HDAC4: variants seen among roughly 807,000 people sequenced by gnomAD.
HDAC4 encodes the protein histone deacetylase 4, also known as histone deacetylase A.
HDAC4 carries 16 observed loss-of-function variants against 135.1 expected under a neutral mutation model. The ratio of observed to expected loss-of-function variants is 0.12; its 90% CI spans 0.08 to 0.18. The LOEUF is 0.18. Among genes scored for constraint, HDAC4 ranks in the 10% least tolerant of loss-of-function variants. The probability of loss-of-function intolerance (pLI) is 1.00; values close to 1 mark genes in which losing one functional copy is unlikely to be tolerated. For synonymous variants in HDAC4, 685 were observed against 653.4 expected (o/e 1.05, Z -0.74); for missense variants, 1,143 against 1,511.8 (o/e 0.76, Z 4.05).
chr2:239,152,760 T>G (rs2042192999), intron 7 of HDAC4, among the ~76,000 whole-genome samples: 1 of 152,074 alleles, frequency 6.6e-6, no homozygotes, highest in Non-Finnish European at 1.5e-5. Flanking sequence ...ACCTGAACTG[T>G]AGGCATGGAG....
intron 1 of HDAC4, among the ~76,000 whole-genome samples, chr2:239,397,673 G>C: frequency 6.6e-6 from 1 of 152,170 alleles, no homozygotes; most frequent in Non-Finnish European, 1.5e-5. Context: ...CCCCAAAACA[G>C]GTCCCACTCT....
intron 2 of HDAC4, among the ~76,000 whole-genome samples, chr2:239,266,202 C>G (rs565016986): frequency 6.6e-6 from 1 of 152,186 alleles, no homozygotes; most frequent in Non-Finnish European, 1.5e-5. Context: ...GCACAGTGCC[C>G]GAGGCAGGGA....
intron 12 of HDAC4, among the ~76,000 whole-genome samples, chr2:239,124,617 G>C (rs151058209): frequency 2.7e-5 from 3 of 109,412 alleles, no homozygotes; most frequent in South Asian, 5.8e-4. Flanking sequence ...ATGACATTCC[G>C]GCGTGCCGGC....
intron 1 of HDAC4, among the ~76,000 whole-genome samples, chr2:239,384,093 C>T (rs1173600294): frequency 4.6e-5 from 7 of 152,336 alleles, no homozygotes; most frequent in Non-Finnish European, 7.3e-5. Flanking sequence ...AACCCTCCAT[C>T]GTGCTCTGCA....
At chr2:239,074,568 G>A (rs1396661499) in intron 22 of HDAC4, among the ~76,000 whole-genome samples, 3 of 152,246 alleles carry the variant, frequency 2.0e-5, no homozygotes, top group Non-Finnish European at 2.9e-5. Flanking sequence ...GTGAGGCTGC[G>A]TGGGGCACAG....
At position 239,167,510 on chromosome 2, in the gene HDAC4, G is replaced by A. The variant is rs891417108; in HGVS notation, c.491-3587C>T. On this transcript the variant is annotated intron_variant, in intron 5 of 26. Coordinates refer to ENST00000543185, the MANE Select transcript of HDAC4 (RefSeq NM_001378414.1). The surrounding 1 kb of genome is among the most constrained non-coding windows in gnomAD (Gnocchi z 4.1). ...GGAAACACGAGGAAGGTAAGTCTTCGATTCATGACCTTTCTAACCACCAAG... is the reference window on the plus strand; with the variant it reads ...GGAAACACGAGGAAGGTAAGTCTTCAATTCATGACCTTTCTAACCACCAAG... Among the ~76,000 whole-genome samples the A allele has an allele frequency of 6.6e-6, 1 of 152,094 alleles. No individual in the cohort carries two copies. The highest frequency in any genetic ancestry group is 1.5e-5 in the Non-Finnish European group (1 of 68,014).
intron 17 of HDAC4, among the ~76,000 whole-genome samples, chr2:239,092,725 A>T (rs1436059611): frequency 2.0e-5 from 3 of 152,206 alleles, no homozygotes; most frequent in African/African-American, 7.2e-5. Context: ...CTGGAGCTCC[A>T]GGCCTCTTGC....
intron 16 of HDAC4, among the ~76,000 whole-genome samples, chr2:239,098,959 A>T (rs1220384023): frequency 6.6e-6 from 1 of 152,246 alleles, no homozygotes; most frequent in Admixed American, 6.5e-5. Context: ...AAATAGAATG[A>T]TCAACCTTCC....
chr2:239,066,279 G>T (rs1490260115), intron 24 of HDAC4, among the ~76,000 whole-genome samples: 1 of 152,212 alleles, frequency 6.6e-6, no homozygotes, highest in Non-Finnish European at 1.5e-5. Context: ...CAGCAGACAG[G>T]CCTGCTGGGC....
intron 2 of HDAC4, among the ~76,000 whole-genome samples, chr2:239,323,689 C>T (rs1301609602): frequency 6.6e-6 from 1 of 151,974 alleles, no homozygotes; most frequent in African/African-American, 2.4e-5. Flanking sequence ...AGAGGTAATG[C>T]TGAATTCATG....
At chr2:239,190,958 G>T in intron 3 of HDAC4, 4 of 465,882 alleles carry the variant, frequency 8.6e-6, no homozygotes, top group South Asian at 4.6e-5. Flanking sequence ...CTGAAAGCAT[G>T]CAGTGTGTGC....
rs7575631 is a variant in HDAC4 at position 239,383,789 on chromosome 2, C to T, written c.-220+17189G>A. On this transcript the variant is annotated intron_variant, in intron 1 of 26. Transcript: ENST00000543185. ...CGATGGCCGGGGCAGGAATGGACAA[C>T]AGAGACTGGAAAGTGAGAAAAATGA... is the stretch of plus-strand genomic sequence containing the variant. Among the ~76,000 whole-genome samples the T allele has an allele frequency of 9.8e-3, 1,497 of 152,284 alleles. 24 individuals are homozygous for T. Among genetic ancestry groups the T allele is most frequent in the African/African-American group, 0.035 (1,447 of 41,554 alleles).
At chr2:239,339,027 T>G (rs62182112) in intron 2 of HDAC4, among the ~76,000 whole-genome samples, 2 of 152,070 alleles carry the variant, frequency 1.3e-5, no homozygotes, top group Non-Finnish European at 2.9e-5. Flanking sequence ...ATGTATTTAG[T>G]TTACATAAAA....
intron 12 of HDAC4, among the ~76,000 whole-genome samples, chr2:239,118,480 A>G (rs2039340085): frequency 6.6e-6 from 1 of 152,168 alleles, no homozygotes; most frequent in Non-Finnish European, 1.5e-5. Flanking sequence ...AGGAGAGTGC[A>G]GCGGTGGGTG....
chr2:239,203,407 T>C (rs1183069110), intron 3 of HDAC4, among the ~76,000 whole-genome samples: 1 of 152,212 alleles, frequency 6.6e-6, no homozygotes, highest in Non-Finnish European at 1.5e-5. Flanking sequence ...CATTTTTTAC[T>C]CTAACTAGAA....
At chr2:239,389,339 G>A (rs1025562944) in intron 1 of HDAC4, among the ~76,000 whole-genome samples, 3 of 152,128 alleles carry the variant, frequency 2.0e-5, no homozygotes, top group African/African-American at 7.2e-5. Context: ...CTTTGGGTCC[G>A]CACTACCTTT....
At chr2:239,193,780 C>G (rs1375953306) in intron 3 of HDAC4, among the ~76,000 whole-genome samples, 1 of 152,222 alleles carries the variant, frequency 6.6e-6, no homozygotes, top group Non-Finnish European at 1.5e-5. Flanking sequence ...GTTGGCTGGC[C>G]GAGTGGAATT....
At chr2:239,332,146 CA>C (rs1388378374) in intron 2 of HDAC4, among the ~76,000 whole-genome samples, 1 of 152,198 alleles carries the variant, frequency 6.6e-6, no homozygotes, top group African/African-American at 2.4e-5. Flanking sequence ...TGCCAATCCA[CA>C]GTTACATCAG....
chr2:239,100,368 TTTTC>T (rs1383531146), intron 16 of HDAC4, among the ~76,000 whole-genome samples: 1 of 152,214 alleles, frequency 6.6e-6, no homozygotes, highest in Admixed American at 6.5e-5. Context: ...CTGAGGAGGA[TTTTC>T]TTTTTCTGCG....
Sources: gnomAD v4.1 joint callset for allele counts (sites outside exome capture counted in the v4.1 genomes callset) on GRCh38, gnomAD v4.1.1 for gene constraint, Gnocchi (gnomAD v3.1) non-coding constraint, MANE v1.5 for transcripts, NCBI Gene and HGNC (gene_info 2026-07-23, HGNC 2026-07-21) for gene names.